Variants in PCSK2 observed in about 807,000 individuals in gnomAD.
PCSK2 encodes the protein neuroendocrine convertase 2.
In PCSK2, 14 loss-of-function variants were observed where a neutral mutation model predicts 69.7. That is an observed-to-expected ratio of 0.20 (90% CI 0.13 to 0.31). The LOEUF (loss-of-function observed/expected upper bound fraction) is 0.31. PCSK2 is among the 10% of genes least tolerant of loss of function. The pLI is 1.00. For synonymous variants in PCSK2, 307 were observed against 320.7 expected (o/e 0.96, Z 0.46); for missense variants, 544 against 842.5 (o/e 0.65, Z 4.39).
chr20:17,320,815 G>A (rs1042281691), intron 2 of PCSK2, among the ~76,000 whole-genome samples: 1 of 152,216 alleles, frequency 6.6e-6, no homozygotes, highest in Non-Finnish European at 1.5e-5. Flanking sequence ...GCAGCTTCAA[G>A]CTTGTACAGG....
intron 2 of PCSK2, among the ~76,000 whole-genome samples, chr20:17,267,979 C>A (rs73249818): frequency 6.7e-6 from 1 of 149,016 alleles, no homozygotes; most frequent in Non-Finnish European, 1.5e-5. Context: ...TCACCTGATT[C>A]CCTCCCCAAC....
chr20:17,324,693 G>A (rs919939392), intron 2 of PCSK2, among the ~76,000 whole-genome samples: 59 of 152,090 alleles, frequency 3.9e-4, no homozygotes, highest in African/African-American at 1.3e-3. Context: ...TCTCTAACCA[G>A]TATGTACCCT....
At chr20:17,230,653 A>C (rs1204705492) in intron 1 of PCSK2, among the ~76,000 whole-genome samples, 1 of 152,084 alleles carries the variant, frequency 6.6e-6, no homozygotes, top group Non-Finnish European at 1.5e-5. Flanking sequence ...TCATTAGCTA[A>C]TGGGTACGTG....
chr20:17,244,553 C>A (rs1986703082), intron 1 of PCSK2, among the ~76,000 whole-genome samples: 1 of 152,200 alleles, frequency 6.6e-6, no homozygotes, highest in South Asian at 2.1e-4. Context: ...GAAGTCTTAA[C>A]CCTTCCCAAT....
At chr20:17,328,165 C>T (rs1467606177) in intron 2 of PCSK2, among the ~76,000 whole-genome samples, 1 of 152,108 alleles carries the variant, frequency 6.6e-6, no homozygotes. Flanking sequence ...ACGGTAGTTA[C>T]AAAGCATTTT....
intron 1 of PCSK2, among the ~76,000 whole-genome samples, chr20:17,259,574 T>C (rs1272328652): frequency 1.3e-5 from 2 of 152,190 alleles, no homozygotes; most frequent in African/African-American, 4.8e-5. Flanking sequence ...CTGTTTAGGT[T>C]CTCCAAGACT....
chr20:17,358,216 A>C (rs540492416), intron 2 of PCSK2, 111 bp from the exon 3 acceptor site: 1 of 666,770 alleles, frequency 1.5e-6, no homozygotes, highest in South Asian at 1.8e-5. Flanking sequence ...GCTTTTGCCA[A>C]AGAAAAAAAT....
chr20:17,249,189 C>T (rs1231640974), intron 1 of PCSK2, among the ~76,000 whole-genome samples: 1 of 152,140 alleles, frequency 6.6e-6, no homozygotes, highest in East Asian at 1.9e-4. Context: ...TAACTTGCAT[C>T]TTGGAAATAA....
intron 2 of PCSK2, among the ~76,000 whole-genome samples, chr20:17,341,583 G>A (rs1183743550): frequency 1.3e-5 from 2 of 152,150 alleles, no homozygotes; most frequent in Non-Finnish European, 2.9e-5. Flanking sequence ...TATCTATTCA[G>A]CCGCACTGAA....
At chr20:17,427,487 A>C (rs1174409771) in intron 6 of PCSK2, among the ~76,000 whole-genome samples, 1 of 152,196 alleles carries the variant, frequency 6.6e-6, no homozygotes, top group Admixed American at 6.5e-5. Context: ...TCACCCTGAC[A>C]GTCCAGCTGT....
chr20:17,226,797 TCGCTG>T (rs564278605), upstream of PCSK2, among the ~76,000 whole-genome samples: 13 of 136,390 alleles, frequency 9.5e-5, no homozygotes, highest in Non-Finnish European at 1.3e-4. Context: ...GGGCGCGGGC[TCGCTG>T]CGCTGCGCTG....
At chr20:17,324,802 C>T (rs561001214) in intron 2 of PCSK2, among the ~76,000 whole-genome samples, 2 of 152,306 alleles carry the variant, frequency 1.3e-5, no homozygotes, top group East Asian at 3.9e-4. Flanking sequence ...GTCTCTTCCC[C>T]TACTTCAGCA....
chr20:17,295,756 A>C (rs974773820), intron 2 of PCSK2, among the ~76,000 whole-genome samples: 1 of 151,798 alleles, frequency 6.6e-6, no homozygotes, highest in African/African-American at 2.4e-5. Flanking sequence ...GGGTCTTACT[A>C]TGTTGCCCAG....
At chr20:17,307,158 A>G (rs1989351919) in intron 2 of PCSK2, among the ~76,000 whole-genome samples, 2 of 152,216 alleles carry the variant, frequency 1.3e-5, no homozygotes, top group East Asian at 1.9e-4. Flanking sequence ...CAAATTTTTT[A>G]GAGACCCTAC....
intron 5 of PCSK2, among the ~76,000 whole-genome samples, chr20:17,369,591 C>G (rs891236423): frequency 3.3e-5 from 5 of 152,346 alleles, no homozygotes; most frequent in Admixed American, 2.6e-4. Flanking sequence ...ATTGGAGCCA[C>G]AGCTCAGGCC....
At chr20:17,238,552 G>T (rs1030128270) in intron 1 of PCSK2, among the ~76,000 whole-genome samples, 6 of 152,084 alleles carry the variant, frequency 3.9e-5, no homozygotes, top group African/African-American at 1.4e-4. Context: ...TTTGAGCCTT[G>T]TTGCTCATTG....
At chr20:17,267,571 G>A (rs1349275233) in intron 2 of PCSK2, among the ~76,000 whole-genome samples, 1 of 152,192 alleles carries the variant, frequency 6.6e-6, no homozygotes, top group East Asian at 1.9e-4. Context: ...TTAACTATTT[G>A]TGGGGAACAG....
intron 2 of PCSK2, among the ~76,000 whole-genome samples, chr20:17,354,384 G>C (rs2030123126): frequency 6.6e-6 from 1 of 152,146 alleles, no homozygotes; most frequent in African/African-American, 2.4e-5. Flanking sequence ...GTAATAAAAG[G>C]TATAGTGTAT....
chr20:17,436,578 C>A, intron 7 of PCSK2, 130 bp from the exon 8 acceptor site: 1 of 705,422 alleles, frequency 1.4e-6, no homozygotes, highest in Non-Finnish European at 2.4e-6. Flanking sequence ...CCCTGGACTG[C>A]ACAGTGGCCC....
Sources: gnomAD v4.1 joint callset for allele counts (sites outside exome capture counted in the v4.1 genomes callset) on GRCh38, gnomAD v4.1.1 for gene constraint, MANE v1.5 for transcripts, NCBI Gene and HGNC (gene_info 2026-07-23, HGNC 2026-07-21) for gene names.